The following MAP2K2 variants were observed in gnomAD, a reference collection of about 807,000 sequenced individuals.
MAP2K2 encodes the protein mitogen-activated protein kinase kinase 2.
Under a neutral mutation model 43.7 loss-of-function variants are expected in MAP2K2, and 24 were observed. The observed-to-expected ratio is 0.55, with a 90% CI of 0.40 to 0.77. The LOEUF (loss-of-function observed/expected upper bound fraction) is 0.77. Among genes scored for constraint, MAP2K2 ranks in the 30% least tolerant of loss-of-function variants. The pLI, the probability that MAP2K2 is intolerant of heterozygous loss-of-function variation, is 0.00. For missense variants in MAP2K2, 470 were observed against 566.8 expected (o/e 0.83, Z 1.73); for synonymous variants, 244 against 239.7 (o/e 1.02, Z -0.17).
At chr19:4,103,178 TCTC>T (rs2041039366) in intron 3 of MAP2K2, 1 of 990,450 alleles carries the variant, frequency 1.0e-6, no homozygotes, top group Non-Finnish European at 1.2e-6. Flanking sequence ...CAGCCTGTGG[TCTC>T]CTCGCCACTG....
chr19:4,102,289 TGTGA>T, intron 4 of MAP2K2, 83 bp downstream of exon 4: 1 of 1,185,670 alleles, frequency 8.4e-7, no homozygotes, highest in South Asian at 1.3e-5. Context: ...CCCACCACAC[TGTGA>T]GTGGCTCCCG....
At chr19:4,102,343 T>C (rs929575068) in intron 4 of MAP2K2, 33 bp downstream of exon 4, 3 of 1,547,116 alleles carry the variant, frequency 1.9e-6, no homozygotes, top group African/African-American at 1.4e-5. Flanking sequence ...CAGAGTGCGG[T>C]GGGGGCGCGA....
At chr19:4,116,096 C>T (rs1026074652) in intron 2 of MAP2K2, among the ~76,000 whole-genome samples, 1 of 152,148 alleles carries the variant, frequency 6.6e-6, no homozygotes, top group African/African-American at 2.4e-5. Flanking sequence ...CCACGGTGCC[C>T]AGTTGTCAAA....
chr19:4,117,369 G>C (rs769528020), intron 2 of MAP2K2, 50 bp downstream of exon 2: 1 of 1,560,908 alleles, frequency 6.4e-7, no homozygotes, highest in South Asian at 1.1e-5. Context: ...CCTGTTTCCA[G>C]GGGGACCTTC....
intron 3 of MAP2K2, chr19:4,103,067 A>G: frequency 2.0e-6 from 2 of 1,021,652 alleles, no homozygotes; most frequent in Non-Finnish European, 2.3e-6. Flanking sequence ...CCTAGGGCAG[A>G]AAGGCCAGGC....
At position 4,097,294 on chromosome 19, in the gene MAP2K2, G is replaced by C. The variant is rs768656734; in HGVS notation, c.969C>G (p.Asp323Glu). ...RPAMAIFELL[D>E]YIVNEPPPKL... ...AAGCACAAACCTCGTTCACAATATAGTCCAGGAGTTCAAAGATGGCCATGG... is the reference window on the plus strand; with the variant it reads ...AAGCACAAACCTCGTTCACAATATACTCCAGGAGTTCAAAGATGGCCATGG... Residue 323 changes from aspartate (D) to glutamate (E), a missense_variant, in exon 8 of 11, where the codon GAC becomes GAG. Physicochemically the swap from Asp to Glu is conservative, Grantham distance 45 (BLOSUM62 2). This residue lies in a region of MAP2K2 where 212 missense variants were observed against 220.8 expected (regional missense o/e 0.96). Coordinates refer to ENST00000262948, the MANE Select transcript of MAP2K2 (RefSeq NM_030662.4). The C allele has an allele frequency of 1.9e-6, 3 of 1,607,570 alleles. No homozygotes were observed. The highest frequency in any genetic ancestry group is 1.7e-6 in the Non-Finnish European group (2 of 1,176,898).
intron 2 of MAP2K2, among the ~76,000 whole-genome samples, chr19:4,116,033 G>A (rs946235830): frequency 1.3e-5 from 2 of 152,322 alleles, no homozygotes; most frequent in East Asian, 3.9e-4. Flanking sequence ...ACCAGGGCTT[G>A]CAGACTTTCA....
rs2041206020 is a variant in MAP2K2 at position 4,115,295 on chromosome 19, C to G, written c.303+2124G>C. Among the ~76,000 whole-genome samples, 1 of 152,170 alleles carries G rather than the reference C, an allele frequency of 6.6e-6. No individual in the cohort carries two copies. Among genetic ancestry groups the G allele is most frequent in the African/African-American group, 2.4e-5 (1 of 41,438 alleles). On this transcript the variant is annotated intron_variant, in intron 2 of 10. Transcript: ENST00000262948. The surrounding 1 kb of genome is among the most constrained non-coding windows in gnomAD (Gnocchi z 4.1). ...GGTTCAAAGGCCCCGATCTCCCTTT[C>G]CCCGCTACAGTAAAGCTGCAGGTGG... is the stretch of plus-strand genomic sequence containing the variant.
intron 2 of MAP2K2, among the ~76,000 whole-genome samples, chr19:4,114,507 A>G (rs528323373): frequency 1.3e-5 from 2 of 152,212 alleles, no homozygotes; most frequent in Admixed American, 6.5e-5. Flanking sequence ...GAGCATGGAC[A>G]ATTCAAAGAA....
Position 4,101,255 on chromosome 19 carries a change from C to G in MAP2K2, c.554G>C (p.Arg185Pro), listed in dbSNP as rs772139417. ...IAVLRGLAYL[R>P]EKHQIMHRDV... Reference sequence around the variant, plus strand: ...TCGGTGCATGATCTGGTGCTTCTCTCGGAGGTACGCCAAGCCCCGGAGAAC... The same window carrying G: ...TCGGTGCATGATCTGGTGCTTCTCTGGGAGGTACGCCAAGCCCCGGAGAAC... The change falls in exon 5 of 11, where the codon CGA becomes CCA. Residue 185 changes from arginine (R) to proline (P), a missense_variant. Arg to Pro is a moderately radical substitution (Grantham distance 103). This residue lies in a region of MAP2K2 where 200 missense variants were observed against 297.9 expected (regional missense o/e 0.67). Coordinates refer to ENST00000262948, the MANE Select transcript of MAP2K2 (RefSeq NM_030662.4). The surrounding 1 kb of genome is among the most constrained non-coding windows in gnomAD (Gnocchi z 6.3). The G allele has an allele frequency of 6.3e-7, 1 of 1,585,662 alleles. No homozygotes were observed. The highest frequency in any genetic ancestry group is 8.6e-7 in the Non-Finnish European group (1 of 1,166,866).
At chr19:4,094,049 G>A (rs2040879982) in intron 10 of MAP2K2, among the ~76,000 whole-genome samples, 1 of 152,172 alleles carries the variant, frequency 6.6e-6, no homozygotes, top group Non-Finnish European at 1.5e-5. Context: ...GGCCTCGGGG[G>A]ACCTGCTTGC....
At chr19:4,104,387 G>A (rs1403473867) in intron 3 of MAP2K2, among the ~76,000 whole-genome samples, 1 of 149,038 alleles carries the variant, frequency 6.7e-6, no homozygotes, top group Non-Finnish European at 1.5e-5. Context: ...GCCACACAGT[G>A]AGACCCCATA....
At position 4,101,344 on chromosome 19, in the gene MAP2K2, C is replaced by T. The variant is rs573116113; in HGVS notation, c.529-64G>A. ...CCAGGGCTTAGCTCCTGACCGAGCC[C>T]GGGGGTCAGAGCTGAGCAGTCAGAG... is the stretch of plus-strand genomic sequence containing the variant. On this transcript the variant is annotated intron_variant, in intron 4 of 10. Coordinates refer to ENST00000262948, the MANE Select transcript of MAP2K2 (RefSeq NM_030662.4). The surrounding 1 kb of genome is among the most constrained non-coding windows in gnomAD (Gnocchi z 6.3). 319 of 1,526,266 alleles carry T rather than the reference C, an allele frequency of 2.1e-4. No individual in the cohort carries two copies. The highest frequency in any genetic ancestry group is 5.6e-4 in the Middle Eastern group (3 of 5,400). 94.5% of individuals were successfully genotyped at this position (1,526,266 alleles called of 1,614,324 possible).
intron 7 of MAP2K2, 36 bp downstream of exon 7, chr19:4,099,165 C>T (rs774657862): frequency 1.7e-5 from 27 of 1,556,504 alleles, no homozygotes; most frequent in South Asian, 3.5e-5. Context: ...CAGGGCACTG[C>T]GCGTCCAGAC....
chr19:4,105,481 C>T (rs1304282309), intron 3 of MAP2K2, among the ~76,000 whole-genome samples: 1 of 151,964 alleles, frequency 6.6e-6, no homozygotes, highest in African/African-American at 2.4e-5. Context: ...CTGGTGTTAG[C>T]CAGGATGGTC....
chr19:4,119,535 A>G (rs914381029), intron 1 of MAP2K2, among the ~76,000 whole-genome samples: 2 of 152,194 alleles, frequency 1.3e-5, no homozygotes, highest in Admixed American at 6.5e-5. Flanking sequence ...ATTAATTTTA[A>G]TAACACATTT....
chr19:4,110,439 G>T, intron 3 of MAP2K2, 70 bp downstream of exon 3: 1 of 1,587,144 alleles, frequency 6.3e-7, no homozygotes, highest in Middle Eastern at 1.7e-4. Flanking sequence ...CCGTGAGGGG[G>T]TCTTCCTTCT....
In MAP2K2 at chr19:4,115,531, C is replaced by G. The variant is rs1473283757; in HGVS notation, c.303+1888G>C. Among the ~76,000 whole-genome samples the G allele has an allele frequency of 6.6e-6, 1 of 152,198 alleles. No homozygotes were observed. The highest frequency in any genetic ancestry group is 2.4e-5 in the African/African-American group (1 of 41,456). On this transcript the variant is annotated intron_variant, in intron 2 of 10. Coordinates refer to ENST00000262948, the MANE Select transcript of MAP2K2 (RefSeq NM_030662.4). The surrounding 1 kb of genome is among the most constrained non-coding windows in gnomAD (Gnocchi z 4.1). The stretch of plus-strand genomic sequence containing the variant: ...GCCTTTTTCCACCCAGTGCTTCGGG[C>G]GGAGGCGGACCTGAGCTTTCCAAGG...
At chr19:4,100,465 C>CTGGTA (rs1402588719) in intron 6 of MAP2K2, 1 of 132,870 alleles carries the variant, frequency 7.5e-6, no homozygotes, top group East Asian at 2.2e-4. Flanking sequence ...AGAAAGAAAC[C>CTGGTA]TGGTAGGCAC....
Sources: allele counts gnomAD v4.1 joint callset (sites outside exome capture counted in the v4.1 genomes callset), GRCh38; gene constraint gnomAD v4.1.1; regional missense constraint gnomAD v4.1.1; non-coding constraint Gnocchi (gnomAD v3.1); transcripts MANE v1.5; gene names NCBI Gene and HGNC (gene_info 2026-07-23, HGNC 2026-07-21).